The following ARL15 variants were observed in gnomAD, a reference collection of about 807,000 sequenced individuals.
ARL15 encodes the protein ADP-ribosylation factor-like protein 15.
A neutral mutation model predicts 25.2 loss-of-function variants in ARL15; 19 were observed. That is an observed-to-expected ratio of 0.75 (90% CI 0.53 to 1.10). The LOEUF (loss-of-function observed/expected upper bound fraction) is 1.10, where lower values mean the gene tolerates loss of function less well. Among genes scored for constraint, ARL15 ranks in the 50% least tolerant of loss-of-function variants. The pLI is 0.00. For missense variants in ARL15, 220 were observed against 246.0 expected, an observed-to-expected ratio of 0.89 and a Z score of 0.71; for synonymous variants, 94 against 86.8, an observed-to-expected ratio of 1.08 and a Z score of -0.46.
chr5:53,954,878 C>T (rs975596555), intron 4 of ARL15, among the ~76,000 whole-genome samples: 2 of 151,992 alleles, frequency 1.3e-5, no homozygotes. Context: ...CTGACCTCCA[C>T]TCCAGTGTTT....
At chr5:53,940,265 G>A (rs756984691) in intron 4 of ARL15, among the ~76,000 whole-genome samples, 17 of 152,056 alleles carry the variant, frequency 1.1e-4, no homozygotes, top group Non-Finnish European at 2.1e-4. Flanking sequence ...GAACCACCGC[G>A]CCCGGCAGTC....
intron 1 of ARL15, among the ~76,000 whole-genome samples, chr5:54,264,455 C>A (rs1318229905): frequency 6.6e-6 from 1 of 152,124 alleles, no homozygotes; most frequent in African/African-American, 2.4e-5. Flanking sequence ...TTTAAAAATG[C>A]AAGTTAGTCA....
At chr5:54,294,646 T>C (rs73757043) in intron 1 of ARL15, among the ~76,000 whole-genome samples, 2,580 of 152,318 alleles carry the variant, frequency 0.017, 82 homozygotes, top group African/African-American at 0.059. Context: ...AGAATTAAAA[T>C]TGAGGACCTA....
At chr5:54,184,409 C>A (rs1326655011) in intron 1 of ARL15, among the ~76,000 whole-genome samples, 2 of 134,480 alleles carry the variant, frequency 1.5e-5, no homozygotes, top group African/African-American at 5.5e-5. Context: ...TGCCACTGCA[C>A]TCCAGCCTAG....
chr5:54,076,282 ATGG>A (rs1751601150), intron 4 of ARL15, among the ~76,000 whole-genome samples: 4 of 150,662 alleles, frequency 2.7e-5, no homozygotes, highest in Admixed American at 2.0e-4. Context: ...TTAGCTGTGC[ATGG>A]TGGCAGGCGC....
intron 1 of ARL15, among the ~76,000 whole-genome samples, chr5:54,242,107 G>A (rs1011538742): frequency 6.6e-6 from 1 of 152,044 alleles, no homozygotes; most frequent in African/African-American, 2.4e-5. Flanking sequence ...AATGCCTCCT[G>A]AGGGACCTAT....
chr5:53,925,736 A>G (rs1044857961), intron 4 of ARL15, among the ~76,000 whole-genome samples: 1 of 152,084 alleles, frequency 6.6e-6, no homozygotes, highest in Non-Finnish European at 1.5e-5. Flanking sequence ...GAAGCCTAGG[A>G]ATTCGAGGTT....
chr5:54,060,681 A>T (rs1204844276), intron 4 of ARL15, among the ~76,000 whole-genome samples: 1 of 152,188 alleles, frequency 6.6e-6, no homozygotes, highest in Non-Finnish European at 1.5e-5. Context: ...GTACATTGGT[A>T]CCAGTAGAGT....
At chr5:54,135,179 A>G (rs1753563906) in intron 3 of ARL15, among the ~76,000 whole-genome samples, 1 of 152,194 alleles carries the variant, frequency 6.6e-6, no homozygotes. Flanking sequence ...TCAGCTGAAG[A>G]ACACAATGGG....
intron 1 of ARL15, among the ~76,000 whole-genome samples, chr5:54,199,060 T>C (rs1755638490): frequency 6.6e-6 from 1 of 151,702 alleles, no homozygotes; most frequent in Non-Finnish European, 1.5e-5. Context: ...GATTCCCTAT[T>C]TAATAAATGG....
At chr5:54,174,020 A>T (rs1754793118) in intron 1 of ARL15, among the ~76,000 whole-genome samples, 1 of 152,166 alleles carries the variant, frequency 6.6e-6, no homozygotes, top group African/African-American at 2.4e-5. Flanking sequence ...AGATTGTGTT[A>T]GCAATTCACG....
chr5:54,181,744 A>T (rs1755065046), intron 1 of ARL15, among the ~76,000 whole-genome samples: 1 of 152,170 alleles, frequency 6.6e-6, no homozygotes. Context: ...AACCATCCTG[A>T]TGAACATAGC....
intron 4 of ARL15, among the ~76,000 whole-genome samples, chr5:54,025,804 G>A (rs192310509): frequency 5.3e-5 from 8 of 152,158 alleles, no homozygotes; most frequent in African/African-American, 9.6e-5. Flanking sequence ...AATAATTTCC[G>A]GGAGGATTTT....
At chr5:54,126,424 T>A in intron 3 of ARL15, among the ~76,000 whole-genome samples, 1 of 152,352 alleles carries the variant, frequency 6.6e-6, no homozygotes, top group African/African-American at 2.4e-5. Context: ...TCTTAAGTCA[T>A]TCTTTACCCC....
At chr5:54,267,942 T>C (rs1757672757) in intron 1 of ARL15, among the ~76,000 whole-genome samples, 1 of 151,770 alleles carries the variant, frequency 6.6e-6, no homozygotes, top group South Asian at 2.1e-4. Context: ...GACAATTATG[T>C]GTCTTGGAGT....
chr5:54,310,306 G>C (rs1283574487), intron 1 of ARL15, 126 bp downstream of exon 1: 2 of 1,091,778 alleles, frequency 1.8e-6, no homozygotes, highest in Non-Finnish European at 2.6e-6. Flanking sequence ...AGCCGGCTGC[G>C]GGAGAAAGAA....
intron 4 of ARL15, among the ~76,000 whole-genome samples, chr5:54,033,434 C>T (rs978963857): frequency 2.0e-5 from 3 of 152,116 alleles, no homozygotes; most frequent in Admixed American, 1.3e-4. Flanking sequence ...CTTTGGGAGG[C>T]CGAGGCGGGT....
At chr5:53,923,223 A>C (rs1241406048) in intron 4 of ARL15, among the ~76,000 whole-genome samples, 2 of 152,184 alleles carry the variant, frequency 1.3e-5, no homozygotes, top group African/African-American at 4.8e-5. Flanking sequence ...CTGAAACTCA[A>C]AACAAACAAA....
intron 1 of ARL15, among the ~76,000 whole-genome samples, chr5:54,274,819 G>A (rs542362440): frequency 3.3e-5 from 5 of 152,070 alleles, no homozygotes; most frequent in East Asian, 1.9e-4. Flanking sequence ...GCTTGAACCC[G>A]GGAGGCAGGG....
Sources: allele counts gnomAD v4.1 joint callset (sites outside exome capture counted in the v4.1 genomes callset), GRCh38; gene constraint gnomAD v4.1.1; transcripts MANE v1.5; gene names NCBI Gene and HGNC (gene_info 2026-07-23, HGNC 2026-07-21).